The following SAFB2 variants were observed in gnomAD, a reference collection of about 807,000 sequenced individuals.
The protein encoded by SAFB2 is scaffold attachment factor B2.
Under a neutral mutation model 100.6 loss-of-function variants are expected in SAFB2, and 32 were observed. The ratio of observed to expected loss-of-function variants is 0.32; its 90% CI spans 0.24 to 0.43. The LOEUF (loss-of-function observed/expected upper bound fraction) is 0.43. Among genes scored for constraint, SAFB2 ranks in the 20% least tolerant of loss-of-function variants. SAFB2 has a pLI of 1.00. For synonymous variants in SAFB2, 500 were observed against 439.4 expected (o/e 1.14, Z -1.72); for missense variants, 1,185 against 1,163.4 (o/e 1.02, Z -0.27).
intron 6 of SAFB2, chr19:5,611,848 G>A (rs1431851044): frequency 1.4e-6 from 1 of 731,294 alleles, no homozygotes; most frequent in African/African-American, 1.8e-5. Flanking sequence ...AAGAGAAAAG[G>A]CCCCCACAGA....
At chr19:5,612,099 G>T in intron 6 of SAFB2, 6 of 316,192 alleles carry the variant, frequency 1.9e-5, no homozygotes, top group Non-Finnish European at 5.9e-6. Context: ...ATAATATGTT[G>T]AAAATTTTCA....
intron 11 of SAFB2, among the ~76,000 whole-genome samples, chr19:5,602,301 C>A (rs371383714): frequency 3.3e-5 from 5 of 151,694 alleles, no homozygotes; most frequent in Middle Eastern, 3.4e-3. Flanking sequence ...CACAGTGAAA[C>A]CCCGTCTCAA....
At chr19:5,620,738 G>C (rs933563787) in intron 2 of SAFB2, among the ~76,000 whole-genome samples, 5 of 152,210 alleles carry the variant, frequency 3.3e-5, no homozygotes, top group Admixed American at 2.6e-4. Context: ...AATCCAGAAG[G>C]AGACGGTGGT....
intron 9 of SAFB2, among the ~76,000 whole-genome samples, chr19:5,606,880 TG>T (rs1385747400): frequency 3.3e-5 from 5 of 152,188 alleles, no homozygotes; most frequent in African/African-American, 4.8e-5. Flanking sequence ...TGATCTCCGA[TG>T]GGAACTTGGA....
In SAFB2 at chr19:5,600,385, G is replaced by C. The variant is rs45528735; in HGVS notation, c.1560-125C>G. 5.8e-3 allele frequency: 7,579 copies of C among 1,299,174 alleles called. 30 individuals carry two copies. Among genetic ancestry groups the C allele is most frequent in the Non-Finnish European group, 7.0e-3 (6,651 of 956,322 alleles). 80.5% of individuals were successfully genotyped at this position (1,299,174 alleles called of 1,614,324 possible). Reference sequence around the variant, plus strand: ...AAACAAATCACCCCGGCAGCAATTAGGTGGGAAAAATTATTTGGAACCCAT... The same window carrying C: ...AAACAAATCACCCCGGCAGCAATTACGTGGGAAAAATTATTTGGAACCCAT... On this transcript the variant is annotated intron_variant, in intron 11 of 20. Transcript: ENST00000252542.
intron 2 of SAFB2, among the ~76,000 whole-genome samples, chr19:5,619,315 T>A (rs2240239): frequency 2.0e-5 from 3 of 151,926 alleles, no homozygotes; most frequent in Admixed American, 1.3e-4. Context: ...TGGTTACTTC[T>A]CTGAAAAAGG....
At chr19:5,601,335 T>C (rs1320035035) in intron 11 of SAFB2, among the ~76,000 whole-genome samples, 1 of 152,180 alleles carries the variant, frequency 6.6e-6, no homozygotes, top group African/African-American at 2.4e-5. Context: ...AGTGACATTT[T>C]GTAAGAATGT....
chr19:5,598,279 T>C (rs1294428288), intron 13 of SAFB2, among the ~76,000 whole-genome samples: 2 of 152,222 alleles, frequency 1.3e-5, no homozygotes, highest in Non-Finnish European at 2.9e-5. Context: ...AGGTTTTTAT[T>C]GTTTCCCAGA....
At chr19:5,591,879 T>C in intron 16 of SAFB2, 86 bp from the exon 17 acceptor site, 1 of 1,254,078 alleles carries the variant, frequency 8.0e-7, no homozygotes, top group Non-Finnish European at 1.2e-6. Flanking sequence ...ACTGGGATAC[T>C]TTTTCCATCC....
At chr19:5,600,423 ACTC>A (rs2052631011) in intron 11 of SAFB2, among the ~76,000 whole-genome samples, 163 bp from the exon 12 acceptor site, 1 of 151,904 alleles carries the variant, frequency 6.6e-6, no homozygotes, top group South Asian at 2.1e-4. Context: ...TAATAACAAT[ACTC>A]CTCTTTAGAT....
At chr19:5,618,476 C>T (rs868147691) in intron 2 of SAFB2, among the ~76,000 whole-genome samples, 1 of 152,342 alleles carries the variant, frequency 6.6e-6, no homozygotes, top group African/African-American at 2.4e-5. Context: ...TTGCATGTCT[C>T]GCAACGTGAG....
Position 5,604,591 on chromosome 19 carries a change from T to A in SAFB2, c.1551A>T (p.Lys517Asn), listed in dbSNP as rs902718455. The change falls in exon 11 of 21, where the codon AAA becomes AAT. Residue 517 changes from lysine to asparagine, a missense_variant. By Grantham distance (94) the Lys-to-Asn change is moderately conservative. Around this residue, in one of 3 missense-constraint regions of SAFB2, gnomAD observed 740 missense variants for 687.1 expected, o/e 1.08. Coordinates refer to ENST00000252542, the MANE Select transcript of SAFB2 (RefSeq NM_014649.3). ...TTGAAAATTCACTTTACTTTTCAATTTTGATCTCCACAGAATGATGTCTGT... is the reference window on the plus strand; with the variant it reads ...TTGAAAATTCACTTTACTTTTCAATATTGATCTCCACAGAATGATGTCTGT... ...SVDRHHSVEIKIEKTVIKKEE... is the reference protein window; with the variant it reads ...SVDRHHSVEINIEKTVIKKEE... 1.9e-6 allele frequency: 3 copies of A among 1,613,362 alleles called. No homozygotes were observed. The African/African-American group carries it at 4.0e-5, about 22-fold the overall frequency.
At position 5,604,624 on chromosome 19, in the gene SAFB2, C is replaced by T. The variant is rs141497858; in HGVS notation, c.1518G>A (p.Ser506=). 206 of 1,614,014 alleles carry T rather than the reference C, an allele frequency of 1.3e-4. No homozygotes were observed. In the African/African-American group the frequency reaches 2.1e-3, roughly 17 times the overall value. ...CCACAGAATGATGTCTGTCGACACT[C>T]GATAATTTTTCCTTCTTCACTTCGC... ...KECEVKKEKL[S]SVDRHHSVEI... The change falls in exon 11 of 21, where the codon TCG becomes TCA. Residue 506 remains serine, a synonymous_variant. Coordinates refer to ENST00000252542, the MANE Select transcript of SAFB2 (RefSeq NM_014649.3).
intron 6 of SAFB2, chr19:5,611,941 C>G (rs1368237870): frequency 4.1e-6 from 2 of 490,358 alleles, no homozygotes; most frequent in Non-Finnish European, 7.4e-6. Context: ...GACTGATTTT[C>G]CAATGTCCAA....
Position 5,587,867 on chromosome 19 carries a change from C to T in SAFB2, c.2638+1G>A. 3 of 1,609,880 alleles carry T rather than the reference C, an allele frequency of 1.9e-6. No individual in the cohort carries two copies. The highest frequency in any genetic ancestry group is 1.7e-6 in the Non-Finnish European group (2 of 1,178,394). ...CCTCGTCCCTGGAGCCAGCCCCGTACCTTGCCACCTGGCGTGCTCCCGGCT... is the reference window on the plus strand; with the variant it reads ...CCTCGTCCCTGGAGCCAGCCCCGTATCTTGCCACCTGGCGTGCTCCCGGCT... On this transcript the variant is annotated splice_donor_variant, in intron 19 of 20. Coordinates refer to ENST00000252542, the MANE Select transcript of SAFB2 (RefSeq NM_014649.3). LOFTEE classifies it high-confidence loss of function. This position sits in a 1 kb window ranked among gnomAD's most constrained non-coding sequence, Gnocchi z 4.9.
At chr19:5,594,354 A>G (rs2052491559) in intron 14 of SAFB2, among the ~76,000 whole-genome samples, 176 bp from the exon 15 acceptor site, 1 of 152,264 alleles carries the variant, frequency 6.6e-6, no homozygotes, top group Non-Finnish European at 1.5e-5. Context: ...AGCTACCTTA[A>G]GAAAAGCAAA....
intron 1 of SAFB2, among the ~76,000 whole-genome samples, chr19:5,621,701 G>C (rs1042901709): frequency 1.3e-5 from 2 of 152,224 alleles, no homozygotes; most frequent in Non-Finnish European, 1.5e-5. Context: ...AAAGTTATAT[G>C]ATGGGACAAA....
At chr19:5,608,225 G>C (rs1365562039) in intron 9 of SAFB2, among the ~76,000 whole-genome samples, 1 of 152,194 alleles carries the variant, frequency 6.6e-6, no homozygotes, top group East Asian at 1.9e-4. Flanking sequence ...TCTTCAGCGA[G>C]CTCTGCTGAA....
intron 11 of SAFB2, among the ~76,000 whole-genome samples, chr19:5,604,095 T>A (rs2052720683): frequency 6.6e-6 from 1 of 152,222 alleles, no homozygotes. Context: ...ATGGGCTACT[T>A]CGTTAAATAG....
Sources: allele counts gnomAD v4.1 joint callset (sites outside exome capture counted in the v4.1 genomes callset), GRCh38; gene constraint gnomAD v4.1.1; regional missense constraint gnomAD v4.1.1; non-coding constraint Gnocchi (gnomAD v3.1); transcripts MANE v1.5; gene names NCBI Gene and HGNC (gene_info 2026-07-23, HGNC 2026-07-21).